Variants in RASGEF1C observed in about 807,000 individuals in gnomAD.
RASGEF1C encodes RasGEF domain family member 1C.
In RASGEF1C, 27 loss-of-function variants were observed where a neutral mutation model predicts 58.1. The observed-to-expected ratio is 0.46, with a 90% confidence interval of 0.34 to 0.64. The LOEUF (loss-of-function observed/expected upper bound fraction) is 0.64. Ranked by LOEUF, RASGEF1C falls within the 30% of genes least tolerant of loss-of-function variation. The pLI is 0.01. For missense variants in RASGEF1C, 502 were observed against 605.1 expected, an observed-to-expected ratio of 0.83 and a Z score of 1.79; for synonymous variants, 243 against 246.3, an observed-to-expected ratio of 0.99 and a Z score of 0.13.
In RASGEF1C at chr5:180,189,859, G is replaced by C. The variant is rs1756113120; in HGVS notation, c.-7+19169C>G. ...ATTTGCTTGAACTCAGGAGGCAGAG[G>C]TTGCAGTGAGCTGAGATCGTGCCAC... On this transcript the variant is annotated intron_variant, in intron 1 of 13. Coordinates refer to ENST00000361132, the MANE Select transcript of RASGEF1C (RefSeq NM_175062.4). Among the ~76,000 whole-genome samples, 3 of 138,822 alleles carry C rather than the reference G, an allele frequency of 2.2e-5. No homozygotes were observed. The Admixed American group carries it at 2.3e-4, about 11-fold the overall frequency. The allele number at this position is 138,822 out of a possible 152,430, so 91.1% of individuals were successfully genotyped here.
At chr5:180,182,052 A>T (rs1767342332) in intron 1 of RASGEF1C, among the ~76,000 whole-genome samples, 1 of 151,766 alleles carries the variant, frequency 6.6e-6, no homozygotes, top group South Asian at 2.1e-4. Flanking sequence ...AAATACAAAA[A>T]AAATTAGCCG....
intron 8 of RASGEF1C, 55 bp from the exon 9 acceptor site, chr5:180,118,921 C>T (rs374277989): frequency 9.5e-5 from 145 of 1,519,016 alleles, no homozygotes; most frequent in Admixed American, 5.3e-4. Flanking sequence ...GGGGCCTCTG[C>T]GTAGCTGCAC....
intron 1 of RASGEF1C, among the ~76,000 whole-genome samples, chr5:180,180,157 G>A (rs1300460888): frequency 2.0e-5 from 3 of 152,148 alleles, no homozygotes; most frequent in Non-Finnish European, 2.9e-5. Flanking sequence ...AAAAGGCAGC[G>A]GGCACAGCTG....
At chr5:180,122,760 AAAAC>A (rs925953285) in intron 6 of RASGEF1C, among the ~76,000 whole-genome samples, 6 of 133,660 alleles carry the variant, frequency 4.5e-5, no homozygotes, top group Non-Finnish European at 8.0e-5. Flanking sequence ...AAAAAAAACT[AAAAC>A]AAAAACAAAA....
chr5:180,188,777 C>T (rs886912139), intron 1 of RASGEF1C, among the ~76,000 whole-genome samples: 8 of 152,118 alleles, frequency 5.3e-5, no homozygotes, highest in Admixed American at 2.0e-4. Flanking sequence ...GATCCTGTCC[C>T]CCAGGTACTG....
chr5:180,115,799 C>T (rs1766055526), intron 10 of RASGEF1C, among the ~76,000 whole-genome samples: 1 of 152,136 alleles, frequency 6.6e-6, no homozygotes, highest in South Asian at 2.1e-4. Context: ...GGAAGCAGGG[C>T]TGAGTCCCAG....
chr5:180,199,475 C>T (rs1756341274), intron 1 of RASGEF1C, among the ~76,000 whole-genome samples: 1 of 152,142 alleles, frequency 6.6e-6, no homozygotes, highest in Non-Finnish European at 1.5e-5. Context: ...GAGATATTTC[C>T]TCTGCAGGGG....
intron 1 of RASGEF1C, among the ~76,000 whole-genome samples, chr5:180,189,923 C>CAAAAAAAAAAAA (rs71001085): frequency 1.6e-4 from 6 of 37,204 alleles, no homozygotes; most frequent in Non-Finnish European, 2.3e-4. Context: ...AACTCCATCT[C>CAAAAAAAAAAAA]AAAAAAAAAA....
intron 1 of RASGEF1C, among the ~76,000 whole-genome samples, chr5:180,140,267 C>T (rs1766554737): frequency 6.6e-6 from 1 of 152,200 alleles, no homozygotes; most frequent in South Asian, 2.1e-4. Flanking sequence ...CCTCCAATCA[C>T]CCATCGTATC....
Position 180,119,359 on chromosome 5 carries a change from G to A in RASGEF1C, c.894C>T (p.Leu298=). 3 of 1,613,794 alleles carry A rather than the reference G, an allele frequency of 1.9e-6. No individual in the cohort carries two copies. The highest frequency in any genetic ancestry group is 2.2e-5 in the East Asian group (1 of 44,884). The change falls in exon 8 of 14, where the codon CTC becomes CTT. Residue 298 remains leucine, a synonymous_variant. Coordinates refer to ENST00000361132, the MANE Select transcript of RASGEF1C (RefSeq NM_175062.4). ...ECFNIGNFNS[L]MAIISGMNMS... ...CGGCCCACTCACAGATGATGGCCAT[G>A]AGGGAGTTGAAGTTGCCGATGTTGA...
At chr5:180,109,556 G>T (rs1053364238) in intron 12 of RASGEF1C, among the ~76,000 whole-genome samples, 1 of 152,178 alleles carries the variant, frequency 6.6e-6, no homozygotes, top group Non-Finnish European at 1.5e-5. Context: ...TGGCAAAAAG[G>T]AACCTTACAG....
chr5:180,130,613 G>A (rs1345403082), intron 4 of RASGEF1C, among the ~76,000 whole-genome samples: 2 of 152,236 alleles, frequency 1.3e-5, no homozygotes, highest in African/African-American at 4.8e-5. Flanking sequence ...ACCAAAGCCA[G>A]TGGCCGTTTC....
chr5:180,113,262 G>A (rs1765997049), intron 11 of RASGEF1C, among the ~76,000 whole-genome samples: 1 of 86,112 alleles, frequency 1.2e-5, no homozygotes, highest in Non-Finnish European at 2.4e-5. Flanking sequence ...GATGGACGGA[G>A]GGACCGAGGA....
rs770723711 is a variant in RASGEF1C at position 180,136,501 on chromosome 5, C to A, written c.315G>T (p.Lys105Asn). 45 of 1,570,528 alleles carry A rather than the reference C, an allele frequency of 2.9e-5. No homozygotes were observed. Among genetic ancestry groups the A allele is most frequent in the Non-Finnish European group, 3.8e-5 (44 of 1,157,292 alleles). ...KPVLDKARVRKFGPKLLQLLA... is the reference protein window; with the variant it reads ...KPVLDKARVRNFGPKLLQLLA... ...ACAGCTGCAGCAGTTTGGGGCCGAA[C>A]TTCCGGACCCGGGCCTACGGGCAAG... Residue 105 changes from lysine (K) to asparagine (N), a missense_variant, in exon 4 of 14, where the codon AAG (lysine) becomes AAT (asparagine). Lys to Asn is a moderately conservative substitution (Grantham distance 94). Coordinates refer to ENST00000361132, the MANE Select transcript of RASGEF1C (RefSeq NM_175062.4).
Position 180,197,334 on chromosome 5 carries a change from G to C in RASGEF1C, c.-7+11694C>G, listed in dbSNP as rs911016370. Among the ~76,000 whole-genome samples the C allele has an allele frequency of 6.6e-6, 1 of 152,226 alleles. No individual in the cohort carries two copies. Among genetic ancestry groups the C allele is most frequent in the African/African-American group, 2.4e-5 (1 of 41,454 alleles). ...ATGGCGGGATCCAGGGTGCTGCTCAGGGCAGTGGTGGCCTCTTGACAGTGG... is the reference window on the plus strand; with the variant it reads ...ATGGCGGGATCCAGGGTGCTGCTCACGGCAGTGGTGGCCTCTTGACAGTGG... On this transcript the variant is annotated intron_variant, in intron 1 of 13. Coordinates refer to ENST00000361132, the MANE Select transcript of RASGEF1C (RefSeq NM_175062.4). This position sits in a 1 kb window ranked among gnomAD's most constrained non-coding sequence, Gnocchi z 4.7.
intron 1 of RASGEF1C, among the ~76,000 whole-genome samples, chr5:180,142,688 ACAG>A (rs1327739827): frequency 6.6e-6 from 1 of 152,100 alleles, no homozygotes; most frequent in Non-Finnish European, 1.5e-5. Flanking sequence ...GGAGGGGAAA[ACAG>A]CAGGAGAGAA....
intron 1 of RASGEF1C, among the ~76,000 whole-genome samples, chr5:180,152,592 T>C (rs1302963201): frequency 8.0e-4 from 117 of 145,910 alleles, no homozygotes; most frequent in African/African-American, 2.8e-3. Context: ...AGGGATAGCA[T>C]TAGGAGATAT....
intron 1 of RASGEF1C, among the ~76,000 whole-genome samples, chr5:180,187,140 G>A (rs1002914830): frequency 2.6e-5 from 4 of 152,136 alleles, no homozygotes; most frequent in Non-Finnish European, 5.9e-5. Context: ...GTTGATTTTT[G>A]AAAAGGGAGC....
chr5:180,184,121 AC>A (rs1332588416), intron 1 of RASGEF1C, among the ~76,000 whole-genome samples: 2 of 151,976 alleles, frequency 1.3e-5, no homozygotes, highest in Admixed American at 1.3e-4. Context: ...CAGAGATTGC[AC>A]CACTGCACTC....
Sources: allele counts gnomAD v4.1 joint callset (sites outside exome capture counted in the v4.1 genomes callset), GRCh38; gene constraint gnomAD v4.1.1; non-coding constraint Gnocchi (gnomAD v3.1); transcripts MANE v1.5; gene names NCBI Gene and HGNC (gene_info 2026-07-23, HGNC 2026-07-21).